Variants in SOX5 observed in about 807,000 individuals in gnomAD.
SOX5 encodes transcription factor SOX-5.
A neutral mutation model predicts 92.0 loss-of-function variants in SOX5; 9 were observed. The ratio of observed to expected loss-of-function variants is 0.10; its 90% CI spans 0.06 to 0.17. The LOEUF (loss-of-function observed/expected upper bound fraction) is 0.17. Among genes scored for constraint, SOX5 ranks in the 10% least tolerant of loss-of-function variants. SOX5 has a pLI of 1.00. For synonymous variants in SOX5, 344 were observed against 336.3 expected, an observed-to-expected ratio of 1.02 and a Z score of -0.25; for missense variants, 642 against 944.5, an observed-to-expected ratio of 0.68 and a Z score of 4.20.
Position 23,683,637 on chromosome 12 carries a change from T to C in SOX5, c.811-18073A>G, listed in dbSNP as rs76297673. 3.6e-3 allele frequency among the ~76,000 whole-genome samples: 542 copies of C among 152,084 alleles called. 3 individuals carry two copies. Among genetic ancestry groups the C allele is most frequent in the Middle Eastern group, 0.01 (3 of 294 alleles). On this transcript the variant is annotated intron_variant, in intron 6 of 14. Coordinates refer to ENST00000451604, the MANE Select transcript of SOX5 (RefSeq NM_006940.6). ...TATGTAAATGGTTCACCTGCAAAGA[T>C]TTAACAGGAGAAAAAACTCAACGTT...
intron 3 of SOX5, among the ~76,000 whole-genome samples, chr12:23,808,599 C>G (rs925940072): frequency 5.3e-5 from 8 of 151,976 alleles, no homozygotes; most frequent in African/African-American, 1.9e-4. Context: ...TGCATATATA[C>G]TATAAAAAAT....
Position 24,346,896 on chromosome 12 carries a change from G to A in SOX5, c.-174+21667C>T, listed in dbSNP as rs570346341. On this transcript the variant is annotated intron_variant, in intron 2 of 4. Transcript: ENST00000446891. ...CCTGTCGTGGGGTGGGGGGATGGGGGAGGGACAGCACTAGGAGATATACCT... is the reference window on the plus strand; with the variant it reads ...CCTGTCGTGGGGTGGGGGGATGGGGAAGGGACAGCACTAGGAGATATACCT... 2.0e-5 allele frequency among the ~76,000 whole-genome samples: 3 copies of A among 152,118 alleles called. No homozygotes were observed. The South Asian group carries it at 6.2e-4, about 32-fold the overall frequency.
At chr12:24,392,301 A>G (rs1959071370) in intron 1 of SOX5, among the ~76,000 whole-genome samples, 1 of 152,032 alleles carries the variant, frequency 6.6e-6, no homozygotes, top group Admixed American at 6.6e-5. Context: ...TGACCAAGTC[A>G]CTCTCCGACT....
At chr12:23,905,040 C>T (rs1350361944) in intron 1 of SOX5, among the ~76,000 whole-genome samples, 3 of 152,116 alleles carry the variant, frequency 2.0e-5, no homozygotes, top group African/African-American at 7.2e-5. Context: ...TAAGGAAAGG[C>T]TCAGAAATAG....
At chr12:23,878,393 C>A (rs2096952064) in intron 2 of SOX5, among the ~76,000 whole-genome samples, 1 of 151,930 alleles carries the variant, frequency 6.6e-6, no homozygotes, top group South Asian at 2.1e-4. Flanking sequence ...TCAGTATACT[C>A]AAGTACCTTT....
At chr12:24,123,921 T>C (rs189048475) in intron 4 of SOX5, among the ~76,000 whole-genome samples, 50 of 152,292 alleles carry the variant, frequency 3.3e-4, no homozygotes, top group Non-Finnish European at 5.3e-4. Context: ...TCACTCTCAC[T>C]ACATTCTTCC....
chr12:23,867,950 A>T (rs1196318387), intron 2 of SOX5, among the ~76,000 whole-genome samples: 2 of 152,064 alleles, frequency 1.3e-5, no homozygotes, highest in Non-Finnish European at 2.9e-5. Context: ...TCAATCAGAA[A>T]AAAAAATTTA....
chr12:24,536,383 C>T (rs1951641987), intron 1 of SOX5, among the ~76,000 whole-genome samples: 2 of 152,164 alleles, frequency 1.3e-5, no homozygotes, highest in South Asian at 4.2e-4. Context: ...TACTATCAGA[C>T]CGATTTAAGA....
chr12:23,868,147 T>C (rs1467198799), intron 2 of SOX5, among the ~76,000 whole-genome samples: 2 of 151,922 alleles, frequency 1.3e-5, no homozygotes, highest in African/African-American at 4.8e-5. Context: ...TTAAAAAATG[T>C]GTAAAAACAT....
chr12:23,733,787 G>A (rs1219502088), intron 6 of SOX5, among the ~76,000 whole-genome samples: 1 of 152,138 alleles, frequency 6.6e-6, no homozygotes, highest in Non-Finnish European at 1.5e-5. Context: ...AACTTCAAGA[G>A]AATCATGAAT....
intron 1 of SOX5, among the ~76,000 whole-genome samples, chr12:24,515,588 A>C (rs1304599078): frequency 1.3e-5 from 2 of 152,164 alleles, no homozygotes; most frequent in Non-Finnish European, 2.9e-5. Context: ...TCTACCAAAA[A>C]CCAAGAAACC....
chr12:23,969,301 A>G (rs577200792), intron 4 of SOX5, among the ~76,000 whole-genome samples: 1 of 151,176 alleles, frequency 6.6e-6, no homozygotes, highest in South Asian at 2.1e-4. Flanking sequence ...GTCTGACTCT[A>G]TCCACTCTTG....
intron 2 of SOX5, among the ~76,000 whole-genome samples, chr12:23,871,943 C>G (rs1337736160): frequency 1.3e-5 from 2 of 151,430 alleles, no homozygotes; most frequent in Non-Finnish European, 2.9e-5. Flanking sequence ...CTTGAGAGTA[C>G]AACATCTTTG....
At chr12:24,397,302 T>C (rs573471562) in intron 1 of SOX5, among the ~76,000 whole-genome samples, 13 of 152,184 alleles carry the variant, frequency 8.5e-5, no homozygotes, top group Non-Finnish European at 4.4e-5. Flanking sequence ...CCTGGTTAAA[T>C]GAAAGACTCG....
At chr12:23,904,487 C>G (rs932694127) in intron 1 of SOX5, among the ~76,000 whole-genome samples, 5 of 152,250 alleles carry the variant, frequency 3.3e-5, no homozygotes, top group African/African-American at 1.2e-4. Flanking sequence ...GTAATCTTCA[C>G]TATGTATTTC....
chr12:24,389,330 C>T (rs1247538900), intron 1 of SOX5, among the ~76,000 whole-genome samples: 2 of 152,136 alleles, frequency 1.3e-5, no homozygotes, highest in African/African-American at 2.4e-5. Flanking sequence ...TGTATATGTG[C>T]CACATTTTCT....
At chr12:23,673,008 A>G (rs1226454949) in intron 6 of SOX5, among the ~76,000 whole-genome samples, 1 of 152,208 alleles carries the variant, frequency 6.6e-6, no homozygotes, top group African/African-American at 2.4e-5. Flanking sequence ...AATACAATAC[A>G]TGCTTAAACA....
At chr12:24,465,652 T>G (rs1359597803) in intron 1 of SOX5, among the ~76,000 whole-genome samples, 1 of 152,208 alleles carries the variant, frequency 6.6e-6, no homozygotes. Flanking sequence ...CACATCTGTA[T>G]GACAGTCTCA....
intron 3 of SOX5, among the ~76,000 whole-genome samples, chr12:24,228,368 T>A (rs1962560960): frequency 6.6e-6 from 1 of 152,248 alleles, no homozygotes; most frequent in Admixed American, 6.5e-5. Context: ...AAAATTCATG[T>A]TCATGGGGAT....
Sources: gnomAD v4.1 joint callset for allele counts (sites outside exome capture counted in the v4.1 genomes callset) on GRCh38, gnomAD v4.1.1 for gene constraint, MANE v1.5 for transcripts, NCBI Gene and HGNC (gene_info 2026-07-23, HGNC 2026-07-21) for gene names.